Variants in RBMS3 observed in about 807,000 individuals in gnomAD.
RBMS3 encodes RNA-binding motif, single-stranded-interacting protein 3.
In RBMS3, 27 loss-of-function variants were observed where a neutral mutation model predicts 66.8. The ratio of observed to expected loss-of-function variants is 0.40; its 90% CI spans 0.30 to 0.56. The LOEUF (loss-of-function observed/expected upper bound fraction) is 0.56. RBMS3 is among the 20% of genes least tolerant of loss of function. The pLI is 0.40. For missense variants in RBMS3, 513 were observed against 549.5 expected (o/e 0.93, Z 0.66); for synonymous variants, 188 against 183.0 (o/e 1.03, Z -0.22).
chr3:29,393,869 A>T (rs113124420), intron 1 of RBMS3, among the ~76,000 whole-genome samples: 7,684 of 152,202 alleles, frequency 0.05, 329 homozygotes, highest in East Asian at 0.21. Context: ...AGTCACAAAG[A>T]TCACATGCTT....
chr3:29,322,607 A>G (rs1037923162), intron 1 of RBMS3, among the ~76,000 whole-genome samples: 27 of 150,356 alleles, frequency 1.8e-4, no homozygotes, highest in Admixed American at 1.8e-3. Context: ...TTGCCATGCT[A>G]ATTAGTTTTC....
At chr3:29,383,716 T>G (rs958762672) in intron 1 of RBMS3, among the ~76,000 whole-genome samples, 3 of 152,216 alleles carry the variant, frequency 2.0e-5, no homozygotes, top group Non-Finnish European at 4.4e-5. Context: ...TGTGTTGTAG[T>G]AGCTAAGAAA....
chr3:29,943,709 A>G (rs1182071644), intron 11 of RBMS3, among the ~76,000 whole-genome samples: 2 of 151,794 alleles, frequency 1.3e-5, no homozygotes, highest in African/African-American at 4.8e-5. Context: ...TCAGAGCTAG[A>G]GCTGAGTAAT....
chr3:29,632,258 C>T (rs1362613664), intron 4 of RBMS3, among the ~76,000 whole-genome samples: 1 of 151,744 alleles, frequency 6.6e-6, no homozygotes, highest in African/African-American at 2.4e-5. Context: ...TTTAAATACC[C>T]AGTATGAGAA....
chr3:29,378,499 CA>C (rs1553641762), intron 1 of RBMS3, among the ~76,000 whole-genome samples: 1 of 5,270 alleles, frequency 1.9e-4, no homozygotes, highest in Admixed American at 2.3e-3. Context: ...AAAAAAAAAA[CA>C]AAAAACAACT....
At chr3:29,781,157 A>G (rs928335464) in intron 6 of RBMS3, among the ~76,000 whole-genome samples, 7 of 124,798 alleles carry the variant, frequency 5.6e-5, no homozygotes, top group Non-Finnish European at 6.3e-5. Context: ...TTTCTTCCCC[A>G]TTGTGTTCTT....
chr3:29,716,022 A>T (rs944295085), intron 4 of RBMS3, among the ~76,000 whole-genome samples: 1 of 152,142 alleles, frequency 6.6e-6, no homozygotes, highest in Non-Finnish European at 1.5e-5. Flanking sequence ...ACTCAAAGAG[A>T]TGATGGCATA....
intron 1 of RBMS3, among the ~76,000 whole-genome samples, chr3:29,332,115 T>C (rs2035699813): frequency 6.6e-6 from 1 of 152,138 alleles, no homozygotes; most frequent in African/African-American, 2.4e-5. Flanking sequence ...TCTTTGTGAC[T>C]GCTTCATTTT....
At chr3:29,582,001 T>TA (rs2047344326) in intron 3 of RBMS3, among the ~76,000 whole-genome samples, 1 of 152,116 alleles carries the variant, frequency 6.6e-6, no homozygotes, top group Non-Finnish European at 1.5e-5. Flanking sequence ...TTGAAGATGG[T>TA]AAAGAAACAT....
At chr3:29,362,952 A>C (rs1485821529) in intron 1 of RBMS3, among the ~76,000 whole-genome samples, 2 of 152,228 alleles carry the variant, frequency 1.3e-5, no homozygotes, top group African/African-American at 4.8e-5. Flanking sequence ...GTACAAATAC[A>C]TAAATAGATG....
intron 6 of RBMS3, among the ~76,000 whole-genome samples, chr3:29,804,344 A>G (rs2057476524): frequency 6.6e-6 from 1 of 152,054 alleles, no homozygotes; most frequent in Non-Finnish European, 1.5e-5. Context: ...GAATCACAAA[A>G]TAGGCCCAAA....
chr3:29,582,533 G>A (rs964360298), intron 3 of RBMS3, among the ~76,000 whole-genome samples: 4 of 152,138 alleles, frequency 2.6e-5, no homozygotes, highest in South Asian at 2.1e-4. Flanking sequence ...AGAGTGAGAC[G>A]GGTGGGCTTA....
intron 3 of RBMS3, among the ~76,000 whole-genome samples, chr3:29,552,429 T>C (rs1238168918): frequency 2.6e-5 from 4 of 152,142 alleles, no homozygotes; most frequent in Non-Finnish European, 5.9e-5. Flanking sequence ...TCTAGAATCT[T>C]CCCCGCAGCC....
intron 3 of RBMS3, among the ~76,000 whole-genome samples, chr3:29,544,847 A>G (rs146483475): frequency 4.0e-4 from 61 of 152,244 alleles, no homozygotes; most frequent in African/African-American, 1.4e-3. Flanking sequence ...AACAGATGGG[A>G]TTTGGCCCAT....
chr3:29,403,870 A>G (rs1435480203), intron 1 of RBMS3, among the ~76,000 whole-genome samples: 3 of 152,122 alleles, frequency 2.0e-5, no homozygotes, highest in Non-Finnish European at 2.9e-5. Flanking sequence ...AGACAATGCT[A>G]TGTAGTTCTG....
intron 2 of RBMS3, among the ~76,000 whole-genome samples, chr3:29,436,867 C>T (rs1185090844): frequency 6.6e-6 from 1 of 152,206 alleles, no homozygotes; most frequent in Non-Finnish European, 1.5e-5. Context: ...TGAAGCACTT[C>T]TCTCAACAGT....
At chr3:29,731,602 G>A (rs112625055) in intron 4 of RBMS3, among the ~76,000 whole-genome samples, 98 of 152,226 alleles carry the variant, frequency 6.4e-4, no homozygotes, top group African/African-American at 2.3e-3. Flanking sequence ...TTGGATGTTT[G>A]CTTCTGGAGC....
intron 3 of RBMS3, among the ~76,000 whole-genome samples, chr3:29,532,892 T>C (rs1342109196): frequency 2.0e-5 from 3 of 152,158 alleles, no homozygotes; most frequent in African/African-American, 4.8e-5. Flanking sequence ...AAAGCATGGC[T>C]CCTAAAATGT....
intron 1 of RBMS3, among the ~76,000 whole-genome samples, chr3:29,284,825 A>C (rs1486297916): frequency 1.4e-5 from 2 of 144,196 alleles, no homozygotes; most frequent in Non-Finnish European, 3.0e-5. Context: ...GTCTTTAAAA[A>C]GTTGTCATTT....
Sources: allele counts gnomAD v4.1 joint callset (sites outside exome capture counted in the v4.1 genomes callset), GRCh38; gene constraint gnomAD v4.1.1; transcripts MANE v1.5; gene names NCBI Gene and HGNC (gene_info 2026-07-23, HGNC 2026-07-21).